Variants in PMFBP1 observed in about 807,000 individuals in gnomAD.
PMFBP1 encodes polyamine-modulated factor 1-binding protein 1.
PMFBP1 carries 131 observed loss-of-function variants against 137.8 expected under a neutral mutation model. That is an observed-to-expected ratio of 0.95 (90% CI 0.82 to 1.10). The LOEUF is 1.10. PMFBP1 is among the 50% of genes least tolerant of loss of function. The pLI is 0.00. For missense variants in PMFBP1, 1,199 were observed against 1,175.4 expected, an observed-to-expected ratio of 1.02 and a Z score of -0.29; for synonymous variants, 490 against 450.4, an observed-to-expected ratio of 1.09 and a Z score of -1.11.
At chr16:72,249,357 C>T in the PMFBP1 span, among the ~76,000 whole-genome samples, 1 of 151,136 alleles carries the variant, frequency 6.6e-6, no homozygotes, top group Non-Finnish European at 1.5e-5. Context: ...TGGATCCATT[C>T]CCCAAAGTTT....
chr16:72,168,807 G>C (rs781547352), intron 2 of PMFBP1, among the ~76,000 whole-genome samples: 1 of 152,190 alleles, frequency 6.6e-6, no homozygotes, highest in Non-Finnish European at 1.5e-5. Flanking sequence ...TGCTGATACT[G>C]CAGTTGCTAC....
chr16:72,240,701 A>G, the PMFBP1 span, among the ~76,000 whole-genome samples: 1 of 152,228 alleles, frequency 6.6e-6, no homozygotes, highest in Non-Finnish European at 1.5e-5. Context: ...CCAGCCTGGC[A>G]TCTGCTGTTC....
At chr16:72,126,500 G>A (rs902764549) in intron 14 of PMFBP1, among the ~76,000 whole-genome samples, 2 of 152,234 alleles carry the variant, frequency 1.3e-5, no homozygotes, top group South Asian at 2.1e-4. Context: ...TGTCCTTTGT[G>A]TTTTATGCCT....
At chr16:72,194,457 T>A in the PMFBP1 span, among the ~76,000 whole-genome samples, 1 of 152,244 alleles carries the variant, frequency 6.6e-6, no homozygotes, top group Admixed American at 6.5e-5. Context: ...ATTCAAGGCA[T>A]CCTGGGCCTT....
the PMFBP1 span, among the ~76,000 whole-genome samples, chr16:72,194,409 T>C: frequency 6.6e-6 from 1 of 152,202 alleles, no homozygotes; most frequent in Non-Finnish European, 1.5e-5. Context: ...CCTTAGATCT[T>C]TTCAAGATTC....
chr16:72,152,620 G>A (rs973618200), intron 4 of PMFBP1, among the ~76,000 whole-genome samples: 8 of 151,994 alleles, frequency 5.3e-5, no homozygotes, highest in Admixed American at 2.6e-4. Flanking sequence ...CAAGATGGGC[G>A]GATCACCCGA....
rs754480322 is a variant in PMFBP1, at chr16:72,140,522, G to C, written c.697C>G (p.Gln233Glu). Residue 233 changes from glutamine (Q) to glutamate (E), a missense_variant, in exon 6 of 21, where the codon CAA becomes GAA. Coordinates refer to ENST00000237353, the MANE Select transcript of PMFBP1 (RefSeq NM_031293.3). ...VRIYTSPCMI[Q>E]EHQETQKRLS... Reference sequence around the variant, plus strand: ...CGTTTCTGAGTCTCCTGATGCTCTTGAATCATGCAAGGAGAAGTGTATATC... The same window carrying C: ...CGTTTCTGAGTCTCCTGATGCTCTTCAATCATGCAAGGAGAAGTGTATATC... 1.2e-6 allele frequency: 2 copies of C among 1,613,118 alleles called. No individual in the cohort carries two copies. The highest frequency in any genetic ancestry group is 2.2e-5 in the East Asian group (1 of 44,870).
chr16:72,123,031 C>A, intron 18 of PMFBP1, 43 bp from the exon 19 acceptor site: 1 of 1,563,520 alleles, frequency 6.4e-7, no homozygotes. Flanking sequence ...AGTCGCCAGC[C>A]TCCCGCGAGC....
upstream of PMFBP1, among the ~76,000 whole-genome samples, chr16:72,178,976 C>G (rs2043267590): frequency 1.3e-5 from 2 of 152,208 alleles, no homozygotes; most frequent in Admixed American, 1.3e-4. Flanking sequence ...CATAAACTCT[C>G]CAACATAGAC....
chr16:72,198,015 G>T, the PMFBP1 span, among the ~76,000 whole-genome samples: 1 of 152,150 alleles, frequency 6.6e-6, no homozygotes, highest in South Asian at 2.1e-4. Flanking sequence ...ATCATTCTTC[G>T]TTGGGGGCAC....
chr16:72,234,543 T>TA, the PMFBP1 span, among the ~76,000 whole-genome samples: 2 of 152,186 alleles, frequency 1.3e-5, no homozygotes, highest in Non-Finnish European at 2.9e-5. Context: ...GCAACATGCT[T>TA]AACAGCAACG....
At position 72,170,724 on chromosome 16, in the gene PMFBP1, G is replaced by A. The variant is rs188698175; in HGVS notation, c.12+473C>T. Among the ~76,000 whole-genome samples the A allele has an allele frequency of 2.8e-4, 42 of 152,232 alleles. 1 individual carries two copies. The highest frequency in any genetic ancestry group is 1.8e-3 in the Admixed American group (27 of 15,284). ...TGGGATTACAGGTTTGAGTCACTGC[G>A]CCTGGCCCCATAAACACAGTTTGAC... On this transcript the variant is annotated intron_variant, in intron 2 of 20. Transcript: ENST00000237353.
chr16:72,122,018 A>C (rs2042383829), intron 19 of PMFBP1, among the ~76,000 whole-genome samples: 1 of 152,048 alleles, frequency 6.6e-6, no homozygotes, highest in Non-Finnish European at 1.5e-5. Flanking sequence ...AGTACCCAAT[A>C]GTTATCTTGT....
chr16:72,221,268 C>A, the PMFBP1 span, among the ~76,000 whole-genome samples: 4 of 152,114 alleles, frequency 2.6e-5, no homozygotes, highest in African/African-American at 9.7e-5. Flanking sequence ...CTCATTAACA[C>A]CCGCCTCCAA....
chr16:72,209,675 T>C, the PMFBP1 span, among the ~76,000 whole-genome samples: 86 of 152,314 alleles, frequency 5.6e-4, no homozygotes, highest in African/African-American at 1.7e-3. Flanking sequence ...TAAGTACCCA[T>C]GTGCTCAGTA....
the PMFBP1 span, among the ~76,000 whole-genome samples, chr16:72,214,852 A>T: frequency 6.6e-6 from 1 of 152,216 alleles, no homozygotes; most frequent in Non-Finnish European, 1.5e-5. Context: ...TTAGCAATGT[A>T]TCTAAAAGGT....
the PMFBP1 span, among the ~76,000 whole-genome samples, chr16:72,226,779 T>C: frequency 4.6e-5 from 7 of 152,158 alleles, no homozygotes; most frequent in Admixed American, 1.3e-4. Context: ...AAAGAAGCAT[T>C]TGGATTTCAG....
chr16:72,234,730 T>C, the PMFBP1 span, among the ~76,000 whole-genome samples: 1 of 152,210 alleles, frequency 6.6e-6, no homozygotes, highest in Admixed American at 6.5e-5. Flanking sequence ...TGTCATGAAG[T>C]CAAGAACCTG....
chr16:72,171,280 C>G lies in PMFBP1; in HGVS notation c.-60-12G>C. 7 of 1,525,752 alleles carry G rather than the reference C, an allele frequency of 4.6e-6. No homozygotes were observed. The highest frequency in any genetic ancestry group is 3.4e-5 in the South Asian group (3 of 88,992). 94.5% of individuals were successfully genotyped at this position (1,525,752 alleles called of 1,614,324 possible). A position where few individuals can be genotyped will look rare whatever the true frequency, so the allele number is the denominator to read the frequency against. On this transcript the variant is annotated splice_polypyrimidine_tract_variant and intron_variant, in intron 1 of 20. Coordinates refer to ENST00000237353, the MANE Select transcript of PMFBP1 (RefSeq NM_031293.3). ...GCTTTGTTATAAACCTGAAAAAGTC[C>G]AAGTATTTAAGATGGAAAAAGTATA...
Sources: allele counts gnomAD v4.1 joint callset (sites outside exome capture counted in the v4.1 genomes callset), GRCh38; gene constraint gnomAD v4.1.1; transcripts MANE v1.5; gene names NCBI Gene and HGNC (gene_info 2026-07-23, HGNC 2026-07-21).